Variants in DDX1 observed in about 807,000 individuals in gnomAD.
DDX1 encodes DEAD-box helicase 1.
In DDX1, 28 loss-of-function variants were observed where a neutral mutation model predicts 108.7. The observed-to-expected ratio is 0.26, with a 90% confidence interval of 0.19 to 0.35. The LOEUF is 0.35. Ranked by LOEUF, DDX1 falls within the 10% of genes least tolerant of loss-of-function variation. The probability of loss-of-function intolerance (pLI) is 1.00; values close to 1 mark genes in which losing one functional copy is unlikely to be tolerated. For missense variants in DDX1, 710 were observed against 884.5 expected (o/e 0.80, Z 2.50); for synonymous variants, 295 against 288.9 (o/e 1.02, Z -0.21).
Position 15,629,717 on chromosome 2 carries a change from T to C in DDX1, c.1971+20T>C, listed in dbSNP as rs1558460774. On this transcript the variant is annotated intron_variant, in intron 24 of 25. Coordinates refer to ENST00000233084, the MANE Select transcript of DDX1 (RefSeq NM_004939.3). ...ATGCAGGTAAGACTTCGAGTTAGGCTCACAAATAATGTATTAAAATGGTAG... is the reference window on the plus strand; with the variant it reads ...ATGCAGGTAAGACTTCGAGTTAGGCCCACAAATAATGTATTAAAATGGTAG... 6.7e-7 allele frequency: 1 copy of C among 1,494,084 alleles called. No homozygotes were observed. The highest frequency in any genetic ancestry group is 9.0e-7 in the Non-Finnish European group (1 of 1,109,446). The allele number at this position is 1,494,084 out of a possible 1,614,324, so 92.6% of individuals were successfully genotyped here.
intron 13 of DDX1, among the ~76,000 whole-genome samples, chr2:15,610,305 A>T (rs1337163127): frequency 1.3e-5 from 2 of 152,002 alleles, no homozygotes; most frequent in Non-Finnish European, 2.9e-5. Flanking sequence ...CTCTTTTGTC[A>T]TGGTGTTTTG....
At chr2:15,619,245 G>A (rs947465760) in intron 16 of DDX1, among the ~76,000 whole-genome samples, 8 of 152,214 alleles carry the variant, frequency 5.3e-5, no homozygotes, top group Admixed American at 5.2e-4. Flanking sequence ...TGGGCTCCAG[G>A]GTCCTCCCAG....
intron 13 of DDX1, among the ~76,000 whole-genome samples, chr2:15,611,397 G>A (rs187565677): frequency 0.022 from 3,294 of 150,680 alleles, 62 homozygotes; most frequent in Non-Finnish European, 0.036. Context: ...ATGAGCTGCC[G>A]GGCACACCTC....
chr2:15,598,259 T>C (rs1665532985), intron 5 of DDX1, among the ~76,000 whole-genome samples: 1 of 152,174 alleles, frequency 6.6e-6, no homozygotes. Context: ...ATACATAAAA[T>C]GTATAATGTA....
chr2:15,604,430 G>A lies in DDX1; in HGVS notation c.553-7G>A, dbSNP rs1272592088. ...TATTAATAGCATTTGACTTTCTGGT[G>A]TTCTAGGAATTCACTATGCATGATA... On this transcript the variant is annotated splice_polypyrimidine_tract_variant and splice_region_variant and intron_variant, in intron 9 of 25. Transcript: ENST00000233084. 6.3e-6 allele frequency: 10 copies of A among 1,589,726 alleles called. No individual in the cohort carries two copies. The highest frequency in any genetic ancestry group is 1.3e-5 in the African/African-American group (1 of 74,366).
At chr2:15,597,780 AG>A (rs1665525206) in intron 5 of DDX1, among the ~76,000 whole-genome samples, 1 of 152,226 alleles carries the variant, frequency 6.6e-6, no homozygotes, top group Non-Finnish European at 1.5e-5. Context: ...AAAGGAAAAT[AG>A]GTACATTTTA....
rs560329565 is a variant in DDX1 at position 15,599,694 on chromosome 2, A to G, written c.285A>G (p.Pro95=). ...TGCTGAACAAATGGCAGATGAACCC[A>G]TATGACAGAGGATCTGCTTTTGGTA... The part of the protein sequence containing the change: ...ASVLNKWQMN[P]YDRGSAFAIG... Residue 95 remains proline (P), a synonymous_variant, in exon 6 of 26, where the codon CCA becomes CCG. Transcript: ENST00000233084. 2.1e-5 allele frequency: 33 copies of G among 1,607,338 alleles called. No homozygotes were observed. Among genetic ancestry groups the G allele is most frequent in the Non-Finnish European group, 2.7e-5 (32 of 1,176,660 alleles).
rs1235881878 is a variant in DDX1, at chr2:15,612,333, G to A, written c.957-891G>A. On this transcript the variant is annotated intron_variant, in intron 13 of 25. Coordinates refer to ENST00000233084, the MANE Select transcript of DDX1 (RefSeq NM_004939.3). The stretch of plus-strand genomic sequence containing the variant: ...GCGCTCCTCACATCCCAGACGGGGC[G>A]GCGGGGCAGAGGCGCCCCCCACATC... 2.6e-5 allele frequency among the ~76,000 whole-genome samples: 4 copies of A among 151,196 alleles called. No homozygotes were observed. The East Asian group carries it at 5.9e-4, about 22-fold the overall frequency.
Position 15,628,434 on chromosome 2 carries a change from G to A in DDX1, c.1687-11G>A, listed in dbSNP as rs1379005388. The A allele has an allele frequency of 1.3e-6, 2 of 1,595,244 alleles. No individual in the cohort carries two copies. Among genetic ancestry groups the A allele is most frequent in the Non-Finnish European group, 1.7e-6 (2 of 1,163,620 alleles). On this transcript the variant is annotated splice_polypyrimidine_tract_variant and intron_variant, in intron 20 of 25. Transcript: ENST00000233084. ...TAACAAACTCCTTTCTCTCTTCACT[G>A]TTCTCTTTAGAAAGGAGATGTAAGA...
chr2:15,621,581 C>T (rs969204645), intron 18 of DDX1, among the ~76,000 whole-genome samples: 7 of 151,224 alleles, frequency 4.6e-5, no homozygotes, highest in African/African-American at 1.5e-4. Context: ...TCTGGGATTA[C>T]AGGCATGAGC....
intron 16 of DDX1, among the ~76,000 whole-genome samples, chr2:15,619,448 C>T (rs2148747118): frequency 6.6e-6 from 1 of 152,336 alleles, no homozygotes; most frequent in Non-Finnish European, 1.5e-5. Context: ...GAACCCACCA[C>T]CACCACTGCA....
chr2:15,604,338 A>T, intron 9 of DDX1, 99 bp from the exon 10 acceptor site: 1 of 791,714 alleles, frequency 1.3e-6, no homozygotes, highest in South Asian at 1.6e-5. Flanking sequence ...TTTTGATTTA[A>T]ATAATTATTT....
At chr2:15,612,185 G>A (rs1246967058) in intron 13 of DDX1, among the ~76,000 whole-genome samples, 1 of 150,704 alleles carries the variant, frequency 6.6e-6, no homozygotes, top group Non-Finnish European at 1.5e-5. Context: ...GCCTGGCGGT[G>A]GGTGACCCCC....
At chr2:15,620,484 A>G (rs1665984769) in intron 17 of DDX1, 88 bp downstream of exon 17, 2 of 982,926 alleles carry the variant, frequency 2.0e-6, no homozygotes, top group African/African-American at 3.3e-5. Flanking sequence ...GCTTAAGGCA[A>G]TCAGTTATTG....
In DDX1 at chr2:15,605,415, G is replaced by C. The variant is rs115209830; in HGVS notation, c.626-535G>C. 6.1e-3 allele frequency among the ~76,000 whole-genome samples: 932 copies of C among 152,256 alleles called. 16 individuals carry two copies. Among genetic ancestry groups the C allele is most frequent in the African/African-American group, 0.021 (878 of 41,528 alleles). On this transcript the variant is annotated intron_variant, in intron 10 of 25. Transcript: ENST00000233084. ...TTTGAAGGATCAGGGAGCAATCACT[G>C]TTCAGTGCTGCGGATGGGTCTAGTC...
At chr2:15,605,626 G>T (rs894506690) in intron 10 of DDX1, among the ~76,000 whole-genome samples, 1 of 152,164 alleles carries the variant, frequency 6.6e-6, no homozygotes, top group African/African-American at 2.4e-5. Context: ...CAAAAGGGAG[G>T]AGAAAAATGG....
intron 3 of DDX1, among the ~76,000 whole-genome samples, chr2:15,596,342 T>C (rs1665497216): frequency 6.6e-6 from 1 of 152,152 alleles, no homozygotes; most frequent in South Asian, 2.1e-4. Context: ...TGTAGAGAGA[T>C]AATGGGTCAG....
intron 5 of DDX1, among the ~76,000 whole-genome samples, chr2:15,598,196 C>A (rs1665532013): frequency 6.6e-6 from 1 of 152,088 alleles, no homozygotes; most frequent in South Asian, 2.1e-4. Flanking sequence ...AAGTTGAAGA[C>A]CAGTGAACCT....
intron 24 of DDX1, 78 bp from the exon 25 acceptor site, chr2:15,629,912 C>T: frequency 7.2e-7 from 1 of 1,393,102 alleles, no homozygotes; most frequent in African/African-American, 1.5e-5. Flanking sequence ...CTGGCCTTTC[C>T]AGCTTTATTT....
Sources: allele counts gnomAD v4.1 joint callset (sites outside exome capture counted in the v4.1 genomes callset), GRCh38; gene constraint gnomAD v4.1.1; transcripts MANE v1.5; gene names NCBI Gene and HGNC (gene_info 2026-07-23, HGNC 2026-07-21).